Variants in BFSP2 observed in about 807,000 individuals in gnomAD.
BFSP2 encodes beaded filament structural protein 2.
Under a neutral mutation model 44.9 loss-of-function variants are expected in BFSP2, and 38 were observed. The observed-to-expected ratio is 0.85, with a 90% confidence interval of 0.65 to 1.11. The LOEUF (loss-of-function observed/expected upper bound fraction) is 1.11, where lower values mean the gene tolerates loss of function less well. Among genes scored for constraint, BFSP2 ranks in the 50% least tolerant of loss-of-function variants. The pLI is 0.00. For synonymous variants in BFSP2, 197 were observed against 209.9 expected (o/e 0.94, Z 0.53); for missense variants, 525 against 533.0 (o/e 0.99, Z 0.15).
chr3:133,416,648 C>T (rs2073534042), intron 1 of BFSP2, among the ~76,000 whole-genome samples: 2 of 145,584 alleles, frequency 1.4e-5, no homozygotes, highest in South Asian at 4.6e-4. Flanking sequence ...TTCTACTCAC[C>T]TCTGTCCTCT....
At chr3:133,425,787 A>AAGGGAAAGGGAAAGGGAAAG (rs372528952) in intron 1 of BFSP2, among the ~76,000 whole-genome samples, 2 of 127,380 alleles carry the variant, frequency 1.6e-5, no homozygotes, top group Admixed American at 7.5e-5. Flanking sequence ...GGGAAAGGGA[A>AAGGGAAAGGGAAAGGGAAAG]GGGAAGGGAA....
chr3:133,400,393 G>A lies in BFSP2; in HGVS notation c.310G>A (p.Asp104Asn). ...ATVPAPGLER[D>N]HGAVEDLGGC... ...CGTGCCGGCTCCAGGTTTGGAGAGG[G>A]ACCATGGTGCTGTTGAGGACCTAGG... Residue 104 changes from aspartate (D) to asparagine (N), a missense_variant, in exon 1 of 7, where the codon GAC becomes AAC. By Grantham distance (23) the Asp-to-Asn change is conservative. Coordinates refer to ENST00000302334, the MANE Select transcript of BFSP2 (RefSeq NM_003571.4). The surrounding 1 kb of genome is among the most constrained non-coding windows in gnomAD (Gnocchi z 4.0). The A allele has an allele frequency of 6.2e-7, 1 of 1,614,070 alleles. No individual in the cohort carries two copies. Among genetic ancestry groups the A allele is most frequent in the Non-Finnish European group, 8.5e-7 (1 of 1,180,044 alleles).
chr3:133,452,490 C>T (rs1208325579), intron 4 of BFSP2, among the ~76,000 whole-genome samples: 1 of 152,170 alleles, frequency 6.6e-6, no homozygotes, highest in East Asian at 1.9e-4. Flanking sequence ...AGTGGAGCAA[C>T]ACAGAGGTAA....
At chr3:133,425,385 G>A (rs940523531) in intron 1 of BFSP2, among the ~76,000 whole-genome samples, 2 of 152,170 alleles carry the variant, frequency 1.3e-5, no homozygotes, top group Admixed American at 6.5e-5. Flanking sequence ...AAGGACTCAC[G>A]AAGTACAGTT....
chr3:133,448,344 A>T, intron 2 of BFSP2, 145 bp from the exon 3 acceptor site: 1 of 1,055,332 alleles, frequency 9.5e-7, no homozygotes, highest in Non-Finnish European at 1.4e-6. Flanking sequence ...CAACTGCACT[A>T]ACAGTGCCCT....
rs141182863 is a variant in BFSP2 at position 133,451,223 on chromosome 3, A to G, written c.891+759A>G. 2.4e-4 allele frequency among the ~76,000 whole-genome samples: 37 copies of G among 152,328 alleles called. No individual in the cohort carries two copies. In the East Asian group the frequency reaches 7.1e-3, roughly 29 times the overall value. On this transcript the variant is annotated intron_variant, in intron 4 of 6. Transcript: ENST00000302334. ...CATACACATTTACTAGTAGAAGAAA[A>G]TCTAAGCCACAACCTACCTATGTGC...
chr3:133,422,253 T>C (rs2073600136), intron 1 of BFSP2, among the ~76,000 whole-genome samples: 1 of 152,166 alleles, frequency 6.6e-6, no homozygotes, highest in African/African-American at 2.4e-5. Context: ...TGTGTGACCT[T>C]GGACAAGTTA....
rs149805571 is a variant in BFSP2 at position 133,425,785 on chromosome 3, G to GAAAGGGAAAGGGAAAGGGAAAGGGA, written c.490-21530_490-21529insAGGGAAAGGGAAAGGGAAAGGGAAA. Among the ~76,000 whole-genome samples, 76 of 25,610 alleles carry GAAAGGGAAAGGGAAAGGGAAAGGGA rather than the reference G, an allele frequency of 3.0e-3. 1 individual carries two copies. The highest frequency in any genetic ancestry group is 4.4e-3 in the African/African-American group (75 of 16,892). 16.8% of individuals were successfully genotyped at this position (25,610 alleles called of 152,430 possible). A position where few individuals can be genotyped will look rare whatever the true frequency, so the allele number is the denominator to read the frequency against. ...GGGATGGGAAAGGGAAAGGGAAAGGGAAGGGAAGGGAAGGGAAGAAGGGAA... is the reference window on the plus strand; with the variant it reads ...GGGATGGGAAAGGGAAAGGGAAAGGGAAAGGGAAAGGGAAAGGGAAAGGGAAAGGGAAGGGAAGGGAAGAAGGGAA... On this transcript the variant is annotated intron_variant, in intron 1 of 6. Coordinates refer to ENST00000302334, the MANE Select transcript of BFSP2 (RefSeq NM_003571.4).
intron 1 of BFSP2, among the ~76,000 whole-genome samples, chr3:133,433,486 G>A (rs895453078): frequency 8.6e-5 from 13 of 152,018 alleles, no homozygotes; most frequent in Admixed American, 4.6e-4. Context: ...TCGAGGATTT[G>A]CCCCCACCCA....
rs866007243 is a variant in BFSP2 at position 133,466,934 on chromosome 3, C to A, written c.998C>A (p.Ala333Asp). 6.2e-7 allele frequency: 1 copy of A among 1,614,104 alleles called. No homozygotes were observed. Among genetic ancestry groups the A allele is most frequent in the Non-Finnish European group, 8.5e-7 (1 of 1,179,998 alleles). ...TCGTGCCAAGTCCAGAGCCTCCAGGCTGAGACAGAATCCTTACGTGCCCTG... is the reference window on the plus strand; with the variant it reads ...TCGTGCCAAGTCCAGAGCCTCCAGGATGAGACAGAATCCTTACGTGCCCTG... ...NTSCQVQSLQ[A>D]ETESLRALKR... The change falls in exon 5 of 7, where the codon GCT (alanine) becomes GAT (aspartate). Residue 333 changes from alanine (A) to aspartate (D), a missense_variant. Ala to Asp is a moderately radical substitution (Grantham distance 126). Coordinates refer to ENST00000302334, the MANE Select transcript of BFSP2 (RefSeq NM_003571.4).
At chr3:133,442,332 T>TTGTTC (rs1295871595) in intron 1 of BFSP2, among the ~76,000 whole-genome samples, 1 of 152,130 alleles carries the variant, frequency 6.6e-6, no homozygotes, top group Admixed American at 6.6e-5. Context: ...TTGTTTTGTT[T>TTGTTC]TTTGGAGAGA....
At chr3:133,414,945 ACCCTGCCATCTCCCCTCTACTCAC>A (rs2073500989) in intron 1 of BFSP2, among the ~76,000 whole-genome samples, 1 of 23,602 alleles carries the variant, frequency 4.2e-5, no homozygotes, top group African/African-American at 1.8e-4. Context: ...CCCTCTACTC[ACCCTGCCATCTCCCCTCTACTCAC>A]CCCTGCCATC....
At chr3:133,420,494 C>T (rs1224920740) in intron 1 of BFSP2, among the ~76,000 whole-genome samples, 2 of 152,194 alleles carry the variant, frequency 1.3e-5, no homozygotes, top group Non-Finnish European at 1.5e-5. Context: ...CCCTTGTCTC[C>T]ATCTCCTTCC....
rs768699867 is a variant in BFSP2, at chr3:133,400,279, A to G, written c.196A>G (p.Ile66Val). Reference sequence around the variant, plus strand: ...TGTAGGAACAGCACCCAGTGGGTGCATAGGTGGCTTGGGTGCCCGTGTGAC... The same window carrying G: ...TGTAGGAACAGCACCCAGTGGGTGCGTAGGTGGCTTGGGTGCCCGTGTGAC... Reference protein sequence around the residue: ...VYVGTAPSGCIGGLGARVTRR... With the variant: ...VYVGTAPSGCVGGLGARVTRR... The change falls in exon 1 of 7, where the codon ATA becomes GTA. Residue 66 changes from isoleucine (I) to valine (V), a missense_variant. Physicochemically the swap from Ile to Val is conservative, Grantham distance 29 (BLOSUM62 3). Coordinates refer to ENST00000302334, the MANE Select transcript of BFSP2 (RefSeq NM_003571.4). This position sits in a 1 kb window ranked among gnomAD's most constrained non-coding sequence, Gnocchi z 4.0. 32 of 1,613,914 alleles carry G rather than the reference A, an allele frequency of 2.0e-5. No individual in the cohort carries two copies. The highest frequency in any genetic ancestry group is 2.6e-5 in the Non-Finnish European group (31 of 1,180,028).
At chr3:133,426,006 A>G (rs2073650385) in intron 1 of BFSP2, among the ~76,000 whole-genome samples, 1 of 74,136 alleles carries the variant, frequency 1.3e-5, no homozygotes, top group Non-Finnish European at 2.7e-5. Flanking sequence ...AGGGCAGGGA[A>G]AGGAAGGGAA....
At chr3:133,434,103 C>T (rs1202716842) in intron 1 of BFSP2, among the ~76,000 whole-genome samples, 1 of 152,146 alleles carries the variant, frequency 6.6e-6, no homozygotes, top group East Asian at 1.9e-4. Flanking sequence ...GGTGCTATTC[C>T]CAAACCGCCA....
chr3:133,422,183 C>T (rs918069563), intron 1 of BFSP2, among the ~76,000 whole-genome samples: 5 of 150,336 alleles, frequency 3.3e-5, no homozygotes, highest in African/African-American at 1.2e-4. Flanking sequence ...GAAAGCTGTA[C>T]AGAGAGTCCA....
At chr3:133,442,013 A>G (rs867793054) in intron 1 of BFSP2, among the ~76,000 whole-genome samples, 5 of 152,218 alleles carry the variant, frequency 3.3e-5, no homozygotes, top group South Asian at 2.1e-4. Flanking sequence ...CAAGACCCAC[A>G]TGGCTGGAGC....
chr3:133,468,594 C>T (rs914250982), intron 5 of BFSP2, among the ~76,000 whole-genome samples: 1 of 152,198 alleles, frequency 6.6e-6, no homozygotes, highest in African/African-American at 2.4e-5. Flanking sequence ...TAGACCTCCT[C>T]ATATCATGAC....
Sources: gnomAD v4.1 joint callset for allele counts (sites outside exome capture counted in the v4.1 genomes callset) on GRCh38, gnomAD v4.1.1 for gene constraint, Gnocchi (gnomAD v3.1) non-coding constraint, MANE v1.5 for transcripts, NCBI Gene and HGNC (gene_info 2026-07-23, HGNC 2026-07-21) for gene names.